SAMD10: variants seen among roughly 807,000 people sequenced by gnomAD.
SAMD10 encodes the protein sterile alpha motif domain-containing protein 10.
SAMD10 carries 16 observed loss-of-function variants against 22.5 expected under a neutral mutation model. That is an observed-to-expected ratio of 0.71 (90% CI 0.48 to 1.08). The LOEUF (loss-of-function observed/expected upper bound fraction) is 1.08. Among genes scored for constraint, SAMD10 ranks in the 50% least tolerant of loss-of-function variants. The pLI, the probability that SAMD10 is intolerant of heterozygous loss-of-function variation, is 0.00. For synonymous variants in SAMD10, 118 were observed against 122.2 expected (o/e 0.97, Z 0.23); for missense variants, 227 against 281.3 (o/e 0.81, Z 1.38).
chr20:63,978,640 C>T (rs2059041051), intron 1 of SAMD10, among the ~76,000 whole-genome samples: 1 of 152,224 alleles, frequency 6.6e-6, no homozygotes, highest in Non-Finnish European at 1.5e-5. Context: ...CTTCCGCCCC[C>T]ATTCTTGCAA....
Position 63,975,189 on chromosome 20 carries a change from G to T in SAMD10, c.*321C>A, listed in dbSNP as rs2059013014. On this transcript the variant is annotated 3_prime_UTR_variant, in exon 5 of 5. Coordinates refer to ENST00000369886, the MANE Select transcript of SAMD10 (RefSeq NM_080621.5). ...AATAAACAGACTCCCTGGGAGTCTA[G>T]GGGGGACATCCAAACCGGTTCTGGC... The T allele has an allele frequency of 2.2e-6, 1 of 451,692 alleles. No individual in the cohort carries two copies. Among genetic ancestry groups the T allele is most frequent in the Non-Finnish European group, 3.9e-6 (1 of 253,806 alleles). The allele number at this position is 451,692 out of a possible 1,614,324, so 28.0% of individuals were successfully genotyped here.
intron 1 of SAMD10, among the ~76,000 whole-genome samples, chr20:63,978,557 G>T (rs1380445964): frequency 1.3e-5 from 2 of 152,170 alleles, no homozygotes; most frequent in African/African-American, 4.8e-5. Flanking sequence ...TGTCTAGGAG[G>T]TCTAAGTATC....
In SAMD10 at chr20:63,974,140, AT is replaced by A. The variant is rs1375552828; in HGVS notation, c.*1369del. On this transcript the variant is annotated 3_prime_UTR_variant, in exon 5 of 5. Coordinates refer to ENST00000369886, the MANE Select transcript of SAMD10 (RefSeq NM_080621.5). ...CACTTGGGAACCAGCTTTATTTCTG[AT>A]TTTTTTTTTTTGTCAGAGTATAAAA... 232 of 146,310 alleles carry A rather than the reference AT, an allele frequency of 1.6e-3. 1 individual carries two copies. The highest frequency in any genetic ancestry group is 9.7e-3 in the East Asian group (49 of 5,042). The allele number at this position is 146,310 out of a possible 1,614,324, so 9.1% of individuals were successfully genotyped here. A position where few individuals can be genotyped will look rare whatever the true frequency, so the allele number is the denominator to read the frequency against.
intron 4 of SAMD10, 24 bp downstream of exon 4, chr20:63,975,668 G>T (rs2059016944): frequency 3.8e-6 from 6 of 1,585,338 alleles, no homozygotes; most frequent in Non-Finnish European, 4.3e-6. Flanking sequence ...CAGCCCCCAG[G>T]CCTCTCTGGC....
At position 63,975,423 on chromosome 20, in the gene SAMD10, A is replaced by G; in HGVS notation, c.*87T>C. 1.3e-6 allele frequency: 2 copies of G among 1,554,094 alleles called. No homozygotes were observed. Among genetic ancestry groups the G allele is most frequent in the Non-Finnish European group, 1.8e-6 (2 of 1,129,950 alleles). On this transcript the variant is annotated 3_prime_UTR_variant, in exon 5 of 5. Transcript: ENST00000369886. Reference sequence around the variant, plus strand: ...CCGCCCCGGCATCCCGCAGGGTCCAAGAGGCGCTGCGGGGCCAGCTTGGCC... The same window carrying G: ...CCGCCCCGGCATCCCGCAGGGTCCAGGAGGCGCTGCGGGGCCAGCTTGGCC...
chr20:63,979,371 G>C lies in SAMD10; in HGVS notation c.91+6C>G, dbSNP rs1366643341. ...AATCCCCGCTCCCCAATCCAGCCCC[G>C]CTCACCGTCCACATCCCGGCGCTCC... On this transcript the variant is annotated splice_donor_region_variant and intron_variant, in intron 1 of 4. Coordinates refer to ENST00000369886, the MANE Select transcript of SAMD10 (RefSeq NM_080621.5). This position sits in a 1 kb window ranked among gnomAD's most constrained non-coding sequence, Gnocchi z 7.7. The C allele has an allele frequency of 2.1e-6, 3 of 1,432,510 alleles. No homozygotes were observed. The African/African-American group carries it at 4.8e-5, about 23-fold the overall frequency. The allele number at this position is 1,432,510 out of a possible 1,614,324, so 88.7% of individuals were successfully genotyped here.
At chr20:63,975,893 G>C in intron 3 of SAMD10, 61 bp from the exon 4 acceptor site, 1 of 1,470,132 alleles carries the variant, frequency 6.8e-7, no homozygotes, top group Non-Finnish European at 9.0e-7. Flanking sequence ...CCAAGGCAAG[G>C]CTGGTGCCAT....
At chr20:63,975,972 A>G in intron 3 of SAMD10, 140 bp from the exon 4 acceptor site, 3 of 862,722 alleles carry the variant, frequency 3.5e-6, no homozygotes, top group Non-Finnish European at 5.0e-6. Context: ...CAGGAGTTCA[A>G]GACCAGCCTG....
At chr20:63,978,263 G>C (rs768102229) in intron 1 of SAMD10, 4 of 1,286,618 alleles carry the variant, frequency 3.1e-6, no homozygotes, top group Non-Finnish European at 4.1e-6. Context: ...GGGGAGGCAG[G>C]CGTCTTGATC....
rs913778501 is a variant in SAMD10 at position 63,974,818 on chromosome 20, T to C, written c.*692A>G. The C allele has an allele frequency of 4.6e-5, 7 of 152,982 alleles. No homozygotes were observed. The highest frequency in any genetic ancestry group is 1.7e-4 in the African/African-American group (7 of 41,472). The allele number at this position is 152,982 out of a possible 1,614,324, so 9.5% of individuals were successfully genotyped here. On this transcript the variant is annotated 3_prime_UTR_variant, in exon 5 of 5. Transcript: ENST00000369886. ...AGCCACCTGGACAGGGCTGGGGTTC[T>C]CGTTGTGCCACATTTTGTCTCTGGC...
In SAMD10 at chr20:63,978,961, CG is replaced by C. The variant is rs370650475; in HGVS notation, c.91+415del. Among the ~76,000 whole-genome samples, 670 of 152,318 alleles carry C rather than the reference CG, an allele frequency of 4.4e-3. 6 individuals are homozygous for C. Among genetic ancestry groups the C allele is most frequent in the African/African-American group, 0.015 (639 of 41,570 alleles). ...CTCCCGGAGGGAGTTCCGTCCGTCCCGCGGTCTGTCGGTCCGGTCCCTCCCG... is the reference window on the plus strand; with the variant it reads ...CTCCCGGAGGGAGTTCCGTCCGTCCCCGGTCTGTCGGTCCGGTCCCTCCCG... On this transcript the variant is annotated intron_variant, in intron 1 of 4. Transcript: ENST00000369886.
At chr20:63,976,932 G>T in intron 3 of SAMD10, 39 bp downstream of exon 3, 1 of 1,607,762 alleles carries the variant, frequency 6.2e-7, no homozygotes, top group Non-Finnish European at 8.5e-7. Flanking sequence ...TCTGAGGCAG[G>T]TTAGCCCCAC....
In SAMD10 at chr20:63,977,966, T is replaced by A. The variant is rs1328372568; in HGVS notation, c.92-560A>T. Among the ~76,000 whole-genome samples the A allele has an allele frequency of 6.6e-6, 1 of 152,226 alleles. No homozygotes were observed. The highest frequency in any genetic ancestry group is 1.5e-5 in the Non-Finnish European group (1 of 68,036). On this transcript the variant is annotated intron_variant, in intron 1 of 4. Transcript: ENST00000369886. The surrounding 1 kb of genome is among the most constrained non-coding windows in gnomAD (Gnocchi z 5.4). Reference sequence around the variant, plus strand: ...GCCCGACTCACTGACTATGACTCATTGACAGCCTGAACTGTGGGCCAACTG... The same window carrying A: ...GCCCGACTCACTGACTATGACTCATAGACAGCCTGAACTGTGGGCCAACTG...
chr20:63,980,038 A>C (rs980655088), upstream of SAMD10: 1 of 152,550 alleles, frequency 6.6e-6, no homozygotes, highest in African/African-American at 2.4e-5. Flanking sequence ...AACCTGGCTC[A>C]GTGCCCGGGG....
intron 1 of SAMD10, among the ~76,000 whole-genome samples, chr20:63,978,531 G>C (rs1209695951): frequency 6.6e-6 from 1 of 152,120 alleles, no homozygotes; most frequent in African/African-American, 2.4e-5. Flanking sequence ...CACACCCAGG[G>C]CAGGGGTTGG....
chr20:63,978,414 TAGCACCC>T, intron 1 of SAMD10: 1 of 717,796 alleles, frequency 1.4e-6, no homozygotes, highest in Non-Finnish European at 2.1e-6. Context: ...TACAGCACCC[TAGCACCC>T]AGGCCTTCAG....
rs575214566 is a variant in SAMD10, at chr20:63,978,734, G to T, written c.91+643C>A. Reference sequence around the variant, plus strand: ...TGTGCTCAGTGGGCCACCGCCCCGAGGTGGCCCCTAGTGCTGTGGGAAAAG... The same window carrying T: ...TGTGCTCAGTGGGCCACCGCCCCGATGTGGCCCCTAGTGCTGTGGGAAAAG... On this transcript the variant is annotated intron_variant, in intron 1 of 4. Transcript: ENST00000369886. Among the ~76,000 whole-genome samples, 17 of 152,350 alleles carry T rather than the reference G, an allele frequency of 1.1e-4. No homozygotes were observed. The East Asian group carries it at 3.1e-3, about 28-fold the overall frequency.
Position 63,977,518 on chromosome 20 carries a change from C to T in SAMD10, c.92-112G>A, listed in dbSNP as rs190936532. ...TCCACACTAGTGCGGGAAATCACCT[C>T]CCCAATGAGGGGTTCCCAAGCCTCC... On this transcript the variant is annotated intron_variant, in intron 1 of 4. Coordinates refer to ENST00000369886, the MANE Select transcript of SAMD10 (RefSeq NM_080621.5). The surrounding 1 kb of genome is among the most constrained non-coding windows in gnomAD (Gnocchi z 5.4). The T allele has an allele frequency of 5.9e-4, 660 of 1,118,852 alleles. 4 individuals carry two copies. In the African/African-American group the frequency reaches 9.1e-3, roughly 15 times the overall value. 69.3% of individuals were successfully genotyped at this position (1,118,852 alleles called of 1,614,324 possible).
chr20:63,978,762 T>A (rs1179158452), intron 1 of SAMD10, among the ~76,000 whole-genome samples: 3 of 152,198 alleles, frequency 2.0e-5, no homozygotes, highest in African/African-American at 7.2e-5. Context: ...GGGAAAAGGC[T>A]TATTCTAAGC....
Sources: allele counts gnomAD v4.1 joint callset (sites outside exome capture counted in the v4.1 genomes callset), GRCh38; gene constraint gnomAD v4.1.1; non-coding constraint Gnocchi (gnomAD v3.1); transcripts MANE v1.5; gene names NCBI Gene and HGNC (gene_info 2026-07-23, HGNC 2026-07-21).